Variants in KCNH7 observed in about 807,000 individuals in gnomAD.
KCNH7 encodes the protein voltage-gated inwardly rectifying potassium channel KCNH7.
KCNH7 carries 49 observed loss-of-function variants against 120.8 expected under a neutral mutation model. That is an observed-to-expected ratio of 0.41 (90% CI 0.32 to 0.51). The LOEUF (loss-of-function observed/expected upper bound fraction) is 0.51. Among genes scored for constraint, KCNH7 ranks in the 20% least tolerant of loss-of-function variants. The pLI, the probability that KCNH7 is intolerant of heterozygous loss-of-function variation, is 0.38. For missense variants in KCNH7, 1,097 were observed against 1,446.6 expected (o/e 0.76, Z 3.92); for synonymous variants, 547 against 516.1 (o/e 1.06, Z -0.81).
chr2:162,383,968 C>T (rs927034935), intron 13 of KCNH7, among the ~76,000 whole-genome samples: 1 of 151,632 alleles, frequency 6.6e-6, no homozygotes, highest in African/African-American at 2.4e-5. Context: ...CCCAAGCAGT[C>T]GTTACTGGTA....
intron 2 of KCNH7, among the ~76,000 whole-genome samples, chr2:162,659,067 T>C (rs1040842177): frequency 1.4e-4 from 21 of 152,216 alleles, no homozygotes; most frequent in African/African-American, 5.1e-4. Context: ...GAACAACTAC[T>C]AGTTTCTTGA....
At chr2:162,622,779 C>T (rs187353697) in intron 2 of KCNH7, among the ~76,000 whole-genome samples, 99 of 152,046 alleles carry the variant, frequency 6.5e-4, no homozygotes, top group Non-Finnish European at 1.1e-3. Flanking sequence ...TACAAATGTC[C>T]GAAGAATAAA....
chr2:162,741,185 C>T (rs1300695988), intron 2 of KCNH7, among the ~76,000 whole-genome samples: 1 of 146,924 alleles, frequency 6.8e-6, no homozygotes, highest in African/African-American at 2.6e-5. Context: ...ATATTAATAA[C>T]ATATGTTATT....
chr2:162,581,303 G>A (rs1184740226), intron 2 of KCNH7, among the ~76,000 whole-genome samples: 1 of 152,010 alleles, frequency 6.6e-6, no homozygotes, highest in Admixed American at 6.6e-5. Flanking sequence ...GCTAATAATT[G>A]CACTTTTGTA....
intron 2 of KCNH7, among the ~76,000 whole-genome samples, chr2:162,659,663 T>G (rs1172086927): frequency 6.6e-6 from 1 of 152,182 alleles, no homozygotes; most frequent in Non-Finnish European, 1.5e-5. Context: ...TGTAATTCTT[T>G]TCATACATTG....
chr2:162,426,432 G>C (rs1687867444), intron 8 of KCNH7, among the ~76,000 whole-genome samples: 1 of 152,040 alleles, frequency 6.6e-6, no homozygotes. Flanking sequence ...TCAAAAGCAA[G>C]TTGACAGACT....
At chr2:162,730,992 T>C (rs980039640) in intron 2 of KCNH7, among the ~76,000 whole-genome samples, 1 of 151,760 alleles carries the variant, frequency 6.6e-6, no homozygotes, top group African/African-American at 2.4e-5. Context: ...TTAAAATATA[T>C]AACAAAGTAT....
chr2:162,610,743 TG>T (rs1475356045), intron 2 of KCNH7, among the ~76,000 whole-genome samples: 1 of 152,192 alleles, frequency 6.6e-6, no homozygotes, highest in African/African-American at 2.4e-5. Context: ...AAATTAGTAA[TG>T]TGTTTTCTTT....
At chr2:162,473,742 G>A (rs981879780) in intron 6 of KCNH7, among the ~76,000 whole-genome samples, 37 of 152,192 alleles carry the variant, frequency 2.4e-4, no homozygotes, top group Non-Finnish European at 1.2e-4. Flanking sequence ...TAACAATGGC[G>A]ATACAGTGTG....
intron 9 of KCNH7, among the ~76,000 whole-genome samples, chr2:162,415,465 T>A (rs561384905): frequency 3.1e-4 from 47 of 152,276 alleles, no homozygotes; most frequent in South Asian, 1.9e-3. Context: ...TAGGGTGTTG[T>A]CTGTAAGTGA....
intron 2 of KCNH7, among the ~76,000 whole-genome samples, chr2:162,686,599 C>T (rs931267635): frequency 6.6e-6 from 1 of 152,110 alleles, no homozygotes; most frequent in Non-Finnish European, 1.5e-5. Flanking sequence ...TAGAGAGAGT[C>T]TGGCAGGGGT....
At chr2:162,762,080 G>A (rs1187895229) in intron 2 of KCNH7, among the ~76,000 whole-genome samples, 1 of 151,816 alleles carries the variant, frequency 6.6e-6, no homozygotes, top group Non-Finnish European at 1.5e-5. Context: ...GAATACAAAG[G>A]CTCCCTTTCT....
At chr2:162,523,548 C>T (rs942752313) in intron 3 of KCNH7, among the ~76,000 whole-genome samples, 6 of 151,720 alleles carry the variant, frequency 4.0e-5, no homozygotes, top group African/African-American at 1.5e-4. Flanking sequence ...CCCTCTTTCT[C>T]TCTCTCTCTC....
chr2:162,679,713 T>G (rs1685650212), intron 2 of KCNH7, among the ~76,000 whole-genome samples: 1 of 151,694 alleles, frequency 6.6e-6, no homozygotes, highest in Non-Finnish European at 1.5e-5. Flanking sequence ...AGTGTTGTTT[T>G]TAATTATCTA....
chr2:162,791,854 G>A (rs1231574157), intron 2 of KCNH7, among the ~76,000 whole-genome samples: 1 of 151,972 alleles, frequency 6.6e-6, no homozygotes, highest in Non-Finnish European at 1.5e-5. Flanking sequence ...TCCTTGTCTT[G>A]TGCCAGTTTT....
At chr2:162,624,915 G>A (rs1161718721) in intron 2 of KCNH7, among the ~76,000 whole-genome samples, 4 of 27,760 alleles carry the variant, frequency 1.4e-4, no homozygotes, top group Non-Finnish European at 1.7e-4. Flanking sequence ...TTTTTTTTTT[G>A]AGATGGAGTT....
intron 2 of KCNH7, among the ~76,000 whole-genome samples, chr2:162,808,360 C>T (rs1456127357): frequency 1.3e-5 from 2 of 152,136 alleles, no homozygotes; most frequent in Non-Finnish European, 2.9e-5. Context: ...TCTATGGGTA[C>T]AGTCTTTACC....
At chr2:162,381,414 G>A (rs1195197169) in intron 13 of KCNH7, among the ~76,000 whole-genome samples, 8 of 151,944 alleles carry the variant, frequency 5.3e-5, no homozygotes, top group Admixed American at 4.6e-4. Context: ...TTTCTCCAAG[G>A]GTAGTTTAAA....
At chr2:162,537,167 G>A (rs1253565572) in intron 2 of KCNH7, 87 bp from the exon 3 acceptor site, 7 of 1,024,040 alleles carry the variant, frequency 6.8e-6, no homozygotes, top group East Asian at 2.6e-5. Context: ...ATACTCTTAA[G>A]GAAATTTGTA....
Sources: gnomAD v4.1 joint callset for allele counts (sites outside exome capture counted in the v4.1 genomes callset) on GRCh38, gnomAD v4.1.1 for gene constraint, MANE v1.5 for transcripts, NCBI Gene and HGNC (gene_info 2026-07-23, HGNC 2026-07-21) for gene names.